Variants in ANOS1 observed in about 807,000 individuals in gnomAD.
The protein encoded by ANOS1 is anosmin 1, also known as anosmin-1.
ANOS1 carries 6 observed loss-of-function variants against 59.0 expected under a neutral mutation model. The observed-to-expected ratio is 0.10, with a 90% CI of 0.06 to 0.20. The LOEUF is 0.20. Among genes scored for constraint, ANOS1 ranks in the 10% least tolerant of loss-of-function variants. The probability of loss-of-function intolerance (pLI) is 1.00; values close to 1 mark genes in which losing one functional copy is unlikely to be tolerated. For synonymous variants in ANOS1, 217 were observed against 223.4 expected (o/e 0.97, Z 0.25); for missense variants, 433 against 542.3 (o/e 0.80, Z 2.00).
intron 6 of ANOS1, among the ~76,000 whole-genome samples, chrX:8,585,061 A>G (rs1444355374): frequency 8.9e-6 from 1 of 112,132 alleles, no homozygotes; most frequent in Non-Finnish European, 1.9e-5. Flanking sequence ...GTTATCTTCT[A>G]TGATATACTG....
At chrX:8,561,304 T>C (rs1930026819) in intron 8 of ANOS1, among the ~76,000 whole-genome samples, 1 of 110,687 alleles carries the variant, frequency 9.0e-6, no homozygotes, top group African/African-American at 3.3e-5. Flanking sequence ...TTTTATTTTA[T>C]TTTAATTTTT....
intron 2 of ANOS1, among the ~76,000 whole-genome samples, chrX:8,653,058 G>A (rs192814628): frequency 1.0e-4 from 11 of 109,670 alleles, no homozygotes; most frequent in East Asian, 5.8e-4. Flanking sequence ...GTTTCACCAC[G>A]TTGGACAGGC....
chrX:8,627,749 A>ACAAAAG (rs1931419895), intron 2 of ANOS1, among the ~76,000 whole-genome samples: 1 of 111,260 alleles, frequency 9.0e-6, no homozygotes, highest in South Asian at 3.8e-4. Context: ...AAAGATTTCA[A>ACAAAAG]CAAAAGCTAA....
intron 3 of ANOS1, among the ~76,000 whole-genome samples, chrX:8,621,812 G>T (rs1931298761): frequency 9.0e-6 from 1 of 111,592 alleles, no homozygotes; most frequent in Admixed American, 9.6e-5. Flanking sequence ...TCATCCAGGA[G>T]AAAATAAGCC....
chrX:8,616,349 CCTT>C (rs1441255435), intron 3 of ANOS1, among the ~76,000 whole-genome samples: 4 of 111,892 alleles, frequency 3.6e-5, no homozygotes. Context: ...TCTTAAATCT[CCTT>C]CTTCATCTCC....
At chrX:8,580,602 T>G (rs982779238) in intron 6 of ANOS1, among the ~76,000 whole-genome samples, 2 of 111,986 alleles carry the variant, frequency 1.8e-5, no homozygotes, top group African/African-American at 3.2e-5. Flanking sequence ...CAATCCATTT[T>G]GCCAAACACG....
chrX:8,673,433 C>A (rs1261989294), intron 2 of ANOS1, among the ~76,000 whole-genome samples: 1 of 108,366 alleles, frequency 9.2e-6, no homozygotes, highest in African/African-American at 3.4e-5. Flanking sequence ...GTCTGCTCGC[C>A]CCAACTACAA....
chrX:8,569,426 AG>A (rs1930181396), intron 7 of ANOS1, among the ~76,000 whole-genome samples: 2 of 112,425 alleles, frequency 1.8e-5, no homozygotes, highest in African/African-American at 6.5e-5. Flanking sequence ...GCGGATCACG[AG>A]GTCAGGAGAT....
chrX:8,562,148 C>T (rs1254212670), intron 8 of ANOS1, among the ~76,000 whole-genome samples: 1 of 110,598 alleles, frequency 9.0e-6, no homozygotes, highest in Non-Finnish European at 1.9e-5. Context: ...ACCATGTTGG[C>T]CAGGCTGGTC....
intron 2 of ANOS1, among the ~76,000 whole-genome samples, chrX:8,624,084 C>T (rs1356805202): frequency 1.0e-5 from 1 of 97,307 alleles, no homozygotes; most frequent in Non-Finnish European, 2.0e-5. Context: ...GGGGCGATCT[C>T]GGCTCACTGC....
At chrX:8,705,339 C>T (rs1416104884) in intron 1 of ANOS1, among the ~76,000 whole-genome samples, 5 of 111,968 alleles carry the variant, frequency 4.5e-5, no homozygotes, top group Non-Finnish European at 7.5e-5. Flanking sequence ...CACAGATGCA[C>T]GCATCCATGC....
At chrX:8,678,008 C>T (rs986869891) in intron 2 of ANOS1, among the ~76,000 whole-genome samples, 1 of 111,722 alleles carries the variant, frequency 9.0e-6, no homozygotes, top group East Asian at 2.8e-4. Flanking sequence ...CTGCTGGGCT[C>T]GCCATGCTTG....
At chrX:8,666,115 G>C (rs1932130312) in intron 2 of ANOS1, among the ~76,000 whole-genome samples, 1 of 111,370 alleles carries the variant, frequency 9.0e-6, no homozygotes, top group Non-Finnish European at 1.9e-5. Context: ...AGGATCGCTT[G>C]AGGCCAGGAG....
At chrX:8,606,082 G>C (rs5934453) in intron 3 of ANOS1, among the ~76,000 whole-genome samples, 1 of 109,911 alleles carries the variant, frequency 9.1e-6, no homozygotes, top group Non-Finnish European at 1.9e-5. Flanking sequence ...TACAATATTC[G>C]GTACCCAGAT....
chrX:8,540,891 G>A (rs1929672570), intron 9 of ANOS1, among the ~76,000 whole-genome samples: 2 of 107,088 alleles, frequency 1.9e-5, no homozygotes, highest in African/African-American at 6.8e-5. Flanking sequence ...CAGACATCAA[G>A]AGTTTATTTT....
At chrX:8,591,266 C>T (rs995659084) in intron 4 of ANOS1, among the ~76,000 whole-genome samples, 9 of 111,112 alleles carry the variant, frequency 8.1e-5, no homozygotes, top group Admixed American at 6.7e-4. Context: ...GGGGATAAGG[C>T]GAGGGAGAGT....
chrX:8,619,601 T>C (rs1456293160), intron 3 of ANOS1, among the ~76,000 whole-genome samples: 1 of 111,284 alleles, frequency 9.0e-6, no homozygotes, highest in Non-Finnish European at 1.9e-5. Context: ...AGACTCCGTC[T>C]CAAAAAAGAA....
At chrX:8,537,365 T>C (rs1282338115) in intron 10 of ANOS1, among the ~76,000 whole-genome samples, 1 of 112,228 alleles carries the variant, frequency 8.9e-6, no homozygotes, top group Non-Finnish European at 1.9e-5. Context: ...GATGATATTC[T>C]TTAGCAATAT....
intron 5 of ANOS1, among the ~76,000 whole-genome samples, chrX:8,587,377 G>A (rs1393837501): frequency 9.0e-6 from 1 of 111,320 alleles, no homozygotes; most frequent in African/African-American, 3.3e-5. Flanking sequence ...TGCTCCTAAA[G>A]TCTGTGGGTG....
Sources: allele counts gnomAD v4.1 joint callset (sites outside exome capture counted in the v4.1 genomes callset), GRCh38; gene constraint gnomAD v4.1.1; transcripts MANE v1.5; gene names NCBI Gene and HGNC (gene_info 2026-07-23, HGNC 2026-07-21).